The following RBFOX1 variants were observed in gnomAD, a reference collection of about 807,000 sequenced individuals.
RBFOX1 encodes RNA binding protein fox-1 homolog 1.
A neutral mutation model predicts 57.7 loss-of-function variants in RBFOX1; 8 were observed. The observed-to-expected ratio is 0.14, with a 90% CI of 0.08 to 0.25. The LOEUF (loss-of-function observed/expected upper bound fraction) is 0.25, where lower values mean the gene tolerates loss of function less well. Among genes scored for constraint, RBFOX1 ranks in the 10% least tolerant of loss-of-function variants. The pLI, the probability that RBFOX1 is intolerant of heterozygous loss-of-function variation, is 1.00. For missense variants in RBFOX1, 611 were observed against 548.5 expected (o/e 1.11, Z -1.14); for synonymous variants, 326 against 222.4 (o/e 1.47, Z -4.15).
At chr16:7,431,477 G>C (rs531736781) in intron 4 of RBFOX1, among the ~76,000 whole-genome samples, 12 of 152,230 alleles carry the variant, frequency 7.9e-5, no homozygotes, top group African/African-American at 2.6e-4. Flanking sequence ...CTGAACTCAA[G>C]TGATCCTTCC....
At chr16:6,396,870 A>T (rs929282570) in intron 2 of RBFOX1, among the ~76,000 whole-genome samples, 5 of 152,202 alleles carry the variant, frequency 3.3e-5, no homozygotes, top group African/African-American at 4.8e-5. Flanking sequence ...TTAAAGAAAT[A>T]ACTAGTTATA....
At chr16:6,300,400 A>G (rs960488995) in intron 1 of RBFOX1, among the ~76,000 whole-genome samples, 3 of 152,228 alleles carry the variant, frequency 2.0e-5, no homozygotes, top group African/African-American at 7.2e-5. Flanking sequence ...GTGTATACAT[A>G]TTTCAAAACA....
At chr16:7,465,306 G>A (rs76697581) in intron 4 of RBFOX1, among the ~76,000 whole-genome samples, 3,417 of 152,262 alleles carry the variant, frequency 0.022, 62 homozygotes, top group Middle Eastern at 0.048. Context: ...TGATTTTCTG[G>A]CCTGCCTTCT....
intron 4 of RBFOX1, among the ~76,000 whole-genome samples, chr16:7,103,131 A>T (rs777761826): frequency 1.3e-5 from 2 of 151,760 alleles, no homozygotes; most frequent in Admixed American, 1.3e-4. Context: ...AAGCTGTCGG[A>T]CCAAAGTATT....
At chr16:5,399,176 G>C (rs746023324) in intron 1 of RBFOX1, among the ~76,000 whole-genome samples, 1 of 152,160 alleles carries the variant, frequency 6.6e-6, no homozygotes, top group African/African-American at 2.4e-5. Context: ...TGTAAAATGC[G>C]GAAAATTAGA....
chr16:5,494,731 C>G (rs1047153321), intron 2 of RBFOX1, among the ~76,000 whole-genome samples: 5 of 152,180 alleles, frequency 3.3e-5, no homozygotes, highest in Non-Finnish European at 7.3e-5. Context: ...GAAAGCCAAC[C>G]AGATGGTGGT....
chr16:7,460,860 G>A (rs2059455009), intron 4 of RBFOX1, among the ~76,000 whole-genome samples: 2 of 151,970 alleles, frequency 1.3e-5, no homozygotes, highest in South Asian at 4.2e-4. Flanking sequence ...ATATGTCTTG[G>A]GCAGAGTCTG....
chr16:5,329,826 C>T (rs935616174), intron 1 of RBFOX1, among the ~76,000 whole-genome samples: 5 of 152,030 alleles, frequency 3.3e-5, no homozygotes, highest in Admixed American at 6.6e-5. Context: ...GGTGAAACCC[C>T]GTCTCTACTA....
At chr16:6,008,634 T>C (rs190143425) in intron 4 of RBFOX1, among the ~76,000 whole-genome samples, 12 of 152,058 alleles carry the variant, frequency 7.9e-5, no homozygotes, top group Non-Finnish European at 1.6e-4. Context: ...CCAGGGGAGT[T>C]TGAAGATGGA....
chr16:7,205,490 G>T (rs2089750276), intron 4 of RBFOX1, among the ~76,000 whole-genome samples: 1 of 149,208 alleles, frequency 6.7e-6, no homozygotes. Context: ...TCCAGCCTGG[G>T]TGATAGAGTG....
At chr16:6,336,638 A>G (rs999209096) in intron 2 of RBFOX1, among the ~76,000 whole-genome samples, 6 of 152,120 alleles carry the variant, frequency 3.9e-5, no homozygotes, top group Non-Finnish European at 5.9e-5. Context: ...CCAGTTGTCA[A>G]CTTCCTTGGC....
intron 3 of RBFOX1, among the ~76,000 whole-genome samples, chr16:5,854,640 G>C (rs1567628523): frequency 6.6e-6 from 1 of 151,954 alleles, no homozygotes; most frequent in African/African-American, 2.4e-5. Context: ...TCATCTGTTA[G>C]TGGAGACCTA....
chr16:7,673,305 C>CACAA (rs903408192), intron 13 of RBFOX1, among the ~76,000 whole-genome samples: 1 of 152,152 alleles, frequency 6.6e-6, no homozygotes, highest in African/African-American at 2.4e-5. Flanking sequence ...CAAGGAGTTC[C>CACAA]ACAAACAGAG....
chr16:5,313,812 G>C (rs532032451), intron 1 of RBFOX1, among the ~76,000 whole-genome samples: 1 of 152,140 alleles, frequency 6.6e-6, no homozygotes, highest in African/African-American at 2.4e-5. Context: ...ACGTGGGAAT[G>C]GTGGGAATTA....
intron 2 of RBFOX1, among the ~76,000 whole-genome samples, chr16:6,376,209 C>G (rs1325744158): frequency 6.6e-6 from 1 of 152,206 alleles, no homozygotes; most frequent in Non-Finnish European, 1.5e-5. Context: ...TCCTTGGGAT[C>G]ACTGGCCTTG....
intron 4 of RBFOX1, among the ~76,000 whole-genome samples, chr16:7,201,237 A>G (rs1455434766): frequency 6.6e-6 from 1 of 152,174 alleles, no homozygotes; most frequent in Non-Finnish European, 1.5e-5. Context: ...AAACCAAAGG[A>G]ATGCCAGATA....
chr16:6,907,327 T>C (rs763889957), intron 3 of RBFOX1, among the ~76,000 whole-genome samples: 6 of 152,134 alleles, frequency 3.9e-5, no homozygotes, highest in Non-Finnish European at 5.9e-5. Context: ...TGCCCAGAGC[T>C]TCACTCAGAG....
intron 3 of RBFOX1, among the ~76,000 whole-genome samples, chr16:6,917,002 A>C (rs2073340079): frequency 6.6e-6 from 1 of 152,048 alleles, no homozygotes; most frequent in Non-Finnish European, 1.5e-5. Flanking sequence ...CATGCATGCC[A>C]TCACATCAGG....
intron 3 of RBFOX1, among the ~76,000 whole-genome samples, chr16:6,988,093 C>G (rs959499618): frequency 1.2e-4 from 18 of 151,586 alleles, no homozygotes; most frequent in African/African-American, 2.9e-4. Flanking sequence ...AACCAAGAAT[C>G]AAATGTGGAT....
Sources: gnomAD v4.1 joint callset for allele counts (sites outside exome capture counted in the v4.1 genomes callset) on GRCh38, gnomAD v4.1.1 for gene constraint, MANE v1.5 for transcripts, NCBI Gene and HGNC (gene_info 2026-07-23, HGNC 2026-07-21) for gene names.